SLC26A7: variants seen among roughly 807,000 people sequenced by gnomAD.
SLC26A7 encodes the protein solute carrier family 26 member 7, also known as anion exchange transporter.
In SLC26A7, 59 loss-of-function variants were observed where a neutral mutation model predicts 82.5. The observed-to-expected ratio is 0.72, with a 90% CI of 0.58 to 0.89. The LOEUF is 0.89. SLC26A7 is among the 40% of genes least tolerant of loss of function. The probability of loss-of-function intolerance (pLI) is 0.00; values close to 1 mark genes in which losing one functional copy is unlikely to be tolerated. For synonymous variants in SLC26A7, 271 were observed against 274.3 expected, an observed-to-expected ratio of 0.99 and a Z score of 0.12; for missense variants, 820 against 793.0, an observed-to-expected ratio of 1.03 and a Z score of -0.41.
chr8:91,249,332 A>G lies in SLC26A7; in HGVS notation c.-195A>G. On this transcript the variant is annotated 5_prime_UTR_variant, in exon 1 of 19. Transcript: ENST00000276609. Reference sequence around the variant, plus strand: ...GGCGAGAGAGCTGTAGACCAACTTAACACTGAACCCATTACTTTTCCAAGA... The same window carrying G: ...GGCGAGAGAGCTGTAGACCAACTTAGCACTGAACCCATTACTTTTCCAAGA... The G allele has an allele frequency of 5.4e-6, 1 of 186,590 alleles. No homozygotes were observed. The highest frequency in any genetic ancestry group is 1.1e-5 in the Non-Finnish European group (1 of 91,278). The allele number at this position is 186,590 out of a possible 1,614,324, so 11.6% of individuals were successfully genotyped here. A position where few individuals can be genotyped will look rare whatever the true frequency, so the allele number is the denominator to read the frequency against.
At chr8:91,390,362 C>A (rs1362280153) in intron 16 of SLC26A7, among the ~76,000 whole-genome samples, 2 of 152,098 alleles carry the variant, frequency 1.3e-5, no homozygotes, top group African/African-American at 4.8e-5. Flanking sequence ...CGTGATCTAC[C>A]CGCCTTGGCC....
At chr8:91,366,099 A>G (rs1419049317) in intron 13 of SLC26A7, among the ~76,000 whole-genome samples, 1 of 152,218 alleles carries the variant, frequency 6.6e-6, no homozygotes, top group Middle Eastern at 3.2e-3. Context: ...CTGTCTTCAA[A>G]TTAGGACTGT....
chr8:91,271,907 G>T (rs1374914198), intron 2 of SLC26A7, among the ~76,000 whole-genome samples: 6 of 152,100 alleles, frequency 3.9e-5, no homozygotes, highest in Non-Finnish European at 8.8e-5. Context: ...AAATCTTATA[G>T]AAAGTTAGTC....
intron 4 of SLC26A7, among the ~76,000 whole-genome samples, chr8:91,317,599 T>G (rs1389345580): frequency 6.6e-6 from 1 of 152,200 alleles, no homozygotes; most frequent in Non-Finnish European, 1.5e-5. Flanking sequence ...TGACCAAGTA[T>G]CTGGTCAAAG....
At chr8:91,290,907 G>C (rs1170426920) in intron 3 of SLC26A7, among the ~76,000 whole-genome samples, 1 of 152,106 alleles carries the variant, frequency 6.6e-6, no homozygotes, top group South Asian at 2.1e-4. Flanking sequence ...CTAAAGTGTG[G>C]CTCATGAACC....
chr8:91,265,856 A>G (rs757448944), intron 2 of SLC26A7, among the ~76,000 whole-genome samples: 1 of 151,928 alleles, frequency 6.6e-6, no homozygotes, highest in Non-Finnish European at 1.5e-5. Context: ...AGTTAGATGC[A>G]TACTTTGCAA....
At chr8:91,280,135 T>C (rs1471019946) in intron 2 of SLC26A7, among the ~76,000 whole-genome samples, 1 of 152,238 alleles carries the variant, frequency 6.6e-6, no homozygotes, top group Non-Finnish European at 1.5e-5. Flanking sequence ...TTTTCTTTTG[T>C]TGCCTATGTT....
At chr8:91,297,063 C>A (rs1224220776) in intron 4 of SLC26A7, among the ~76,000 whole-genome samples, 1 of 152,102 alleles carries the variant, frequency 6.6e-6, no homozygotes, top group Non-Finnish European at 1.5e-5. Flanking sequence ...ATTAACATTG[C>A]AAAGATAATA....
At chr8:91,383,069 G>A (rs527624741) in intron 15 of SLC26A7, among the ~76,000 whole-genome samples, 1 of 152,202 alleles carries the variant, frequency 6.6e-6, no homozygotes, top group East Asian at 1.9e-4. Context: ...TGGTCTAAAT[G>A]CAGCCTGCAT....
At chr8:91,380,423 A>G (rs568821156) in intron 15 of SLC26A7, among the ~76,000 whole-genome samples, 35 of 152,258 alleles carry the variant, frequency 2.3e-4, no homozygotes, top group African/African-American at 7.9e-4. Flanking sequence ...TTGGGCATAA[A>G]ACAAAGTTTG....
At position 91,389,378 on chromosome 8, in the gene SLC26A7, A is replaced by C; in HGVS notation, c.1716A>C (p.Leu572Phe). Residue 572 changes from leucine (L) to phenylalanine (F), a missense_variant, in exon 16 of 19, where the codon TTA becomes TTC. Physicochemically the swap from Leu to Phe is conservative, Grantham distance 22. Transcript: ENST00000276609. Reference sequence around the variant, plus strand: ...CCTGCCCTAATGAGAAGTGTTATTTAATCCTGGATTGCAGTGGATTTACCT... The same window carrying C: ...CCTGCCCTAATGAGAAGTGTTATTTCATCCTGGATTGCAGTGGATTTACCT... ...SQSCPNEKCY[L>F]ILDCSGFTFF... is the part of the protein sequence containing the mutation. 1 of 1,614,074 alleles carries C rather than the reference A, an allele frequency of 6.2e-7. No homozygotes were observed. Among genetic ancestry groups the C allele is most frequent in the Non-Finnish European group, 8.5e-7 (1 of 1,179,950 alleles).
intron 2 of SLC26A7, among the ~76,000 whole-genome samples, chr8:91,221,376 A>G (rs1586301548): frequency 6.6e-6 from 1 of 152,134 alleles, no homozygotes; most frequent in East Asian, 1.9e-4. Context: ...TCTTTAGTTT[A>G]ATTAGATCCT....
chr8:91,280,100 T>C (rs1425159474), intron 2 of SLC26A7, among the ~76,000 whole-genome samples: 2 of 152,228 alleles, frequency 1.3e-5, no homozygotes, highest in African/African-American at 4.8e-5. Context: ...AGCTTTTTAG[T>C]TTGATGTAAT....
At chr8:91,355,221 T>C (rs1214410447) in intron 11 of SLC26A7, among the ~76,000 whole-genome samples, 1 of 152,200 alleles carries the variant, frequency 6.6e-6, no homozygotes, top group East Asian at 1.9e-4. Context: ...TTTTTTCTTC[T>C]TACTACTGAA....
intron 16 of SLC26A7, among the ~76,000 whole-genome samples, chr8:91,390,489 T>C (rs937731504): frequency 3.9e-5 from 6 of 152,016 alleles, no homozygotes; most frequent in Admixed American, 3.3e-4. Context: ...ATACCCTGAA[T>C]TGGTGGTGGT....
upstream of SLC26A7, among the ~76,000 whole-genome samples, chr8:91,246,593 C>T (rs7833987): frequency 0.033 from 4,954 of 151,720 alleles, 263 homozygotes; most frequent in African/African-American, 0.11. Context: ...CCAGCTATTC[C>T]GGAGGCTGAA....
At chr8:91,242,409 AATAAAGGCCT>A (rs111300126) in intron 2 of SLC26A7, among the ~76,000 whole-genome samples, 7,197 of 152,272 alleles carry the variant, frequency 0.047, 224 homozygotes, top group Middle Eastern at 0.17. Flanking sequence ...GAATGATTTT[AATAAAGGCCT>A]ATATACAGCA....
chr8:91,210,546 G>GACACACACACACAC (rs1166789108), intron 1 of SLC26A7, among the ~76,000 whole-genome samples: 1 of 112,754 alleles, frequency 8.9e-6, no homozygotes, highest in African/African-American at 3.8e-5. Context: ...TTTAAACACA[G>GACACACACACACAC]ACACACACAC....
intron 14 of SLC26A7, among the ~76,000 whole-genome samples, chr8:91,368,348 C>T (rs1476729555): frequency 1.3e-5 from 2 of 152,036 alleles, no homozygotes; most frequent in Non-Finnish European, 1.5e-5. Context: ...TGATCCACCA[C>T]CTTAAGGGTC....
Sources: gnomAD v4.1 joint callset for allele counts (sites outside exome capture counted in the v4.1 genomes callset) on GRCh38, gnomAD v4.1.1 for gene constraint, MANE v1.5 for transcripts, NCBI Gene and HGNC (gene_info 2026-07-23, HGNC 2026-07-21) for gene names.